The following VPS39 variants were observed in gnomAD, a reference collection of about 807,000 sequenced individuals.
VPS39 encodes VPS39 subunit of HOPS complex, also known as vam6/Vps39-like protein.
A neutral mutation model predicts 121.0 loss-of-function variants in VPS39; 70 were observed. The observed-to-expected ratio is 0.58, with a 90% confidence interval of 0.48 to 0.71. VPS39 has a LOEUF of 0.71. Ranked by LOEUF, VPS39 falls within the 30% of genes least tolerant of loss-of-function variation. The probability of loss-of-function intolerance (pLI) is 0.00; values close to 1 mark genes in which losing one functional copy is unlikely to be tolerated. For synonymous variants in VPS39, 378 were observed against 398.1 expected (o/e 0.95, Z 0.60); for missense variants, 818 against 1,051.5 (o/e 0.78, Z 3.07).
intron 2 of VPS39, among the ~76,000 whole-genome samples, chr15:42,194,341 G>C (rs1172022075): frequency 6.6e-6 from 1 of 152,072 alleles, no homozygotes; most frequent in African/African-American, 2.4e-5. Context: ...AGGCATGGTG[G>C]TGGGCGCCTG....
chr15:42,176,233 T>C (rs1295880982), intron 10 of VPS39, among the ~76,000 whole-genome samples: 2 of 152,176 alleles, frequency 1.3e-5, no homozygotes, highest in Non-Finnish European at 2.9e-5. Flanking sequence ...CTGAGACCTT[T>C]CTGCTAAGAA....
At chr15:42,196,291 C>A (rs1281285961) in intron 2 of VPS39, among the ~76,000 whole-genome samples, 1 of 152,018 alleles carries the variant, frequency 6.6e-6, no homozygotes, top group Non-Finnish European at 1.5e-5. Flanking sequence ...ACACCAAAAG[C>A]AATGGCAACA....
At chr15:42,181,711 C>CTT (rs765125799) in intron 8 of VPS39, among the ~76,000 whole-genome samples, 3 of 145,672 alleles carry the variant, frequency 2.1e-5, no homozygotes, top group Non-Finnish European at 4.6e-5. Context: ...TCTAATTATC[C>CTT]TTTTTTTTTT....
intron 2 of VPS39, chr15:42,191,950 A>C: frequency 1.6e-6 from 2 of 1,248,308 alleles, no homozygotes; most frequent in Non-Finnish European, 2.2e-6. Context: ...AAGCATCCTT[A>C]GATCTAGACC....
intron 2 of VPS39, 59 bp from the exon 3 acceptor site, chr15:42,191,619 T>C (rs2049829256): frequency 6.8e-7 from 1 of 1,475,536 alleles, no homozygotes; most frequent in Non-Finnish European, 9.4e-7. Flanking sequence ...GAAAAACCAC[T>C]ACTAGAAAAA....
Position 42,160,680 on chromosome 15 carries a change from C to A in VPS39, c.*74G>T. On this transcript the variant is annotated 3_prime_UTR_variant, in exon 25 of 25. Transcript: ENST00000318006. The stretch of plus-strand genomic sequence containing the variant: ...CCTTGTGGTGGTGGCAGCCAGGATT[C>A]CTAAGGCCAGGTGCTCCTTCACCTC... 7.1e-7 allele frequency: 1 copy of A among 1,398,906 alleles called. No homozygotes were observed. Among genetic ancestry groups the A allele is most frequent in the South Asian group, 1.2e-5 (1 of 86,488 alleles). The allele number at this position is 1,398,906 out of a possible 1,614,324, so 86.7% of individuals were successfully genotyped here. A position where few individuals can be genotyped will look rare whatever the true frequency, so the allele number is the denominator to read the frequency against.
At chr15:42,180,539 C>G (rs767151995) in intron 8 of VPS39, among the ~76,000 whole-genome samples, 13 of 152,266 alleles carry the variant, frequency 8.5e-5, no homozygotes, top group Non-Finnish European at 1.6e-4. Context: ...AAAATCATTG[C>G]AAATCAAGTC....
chr15:42,189,925 T>C (rs1262425437), intron 4 of VPS39, among the ~76,000 whole-genome samples: 1 of 146,914 alleles, frequency 6.8e-6, no homozygotes, highest in Non-Finnish European at 1.5e-5. Context: ...GTGATCCTCC[T>C]ACCTCAGCCT....
chr15:42,161,908 C>CCT, intron 23 of VPS39, 124 bp downstream of exon 23: 1 of 1,588,812 alleles, frequency 6.3e-7, no homozygotes, highest in South Asian at 1.2e-5. Context: ...CAATGTCAAG[C>CCT]TGGCTACTGG....
intron 8 of VPS39, among the ~76,000 whole-genome samples, chr15:42,180,244 C>T (rs961019538): frequency 3.9e-5 from 6 of 152,032 alleles, no homozygotes; most frequent in East Asian, 3.9e-4. Context: ...TACTTGCTGT[C>T]GAGTCTTAAA....
chr15:42,200,306 G>A (rs900432797), intron 1 of VPS39, among the ~76,000 whole-genome samples: 19 of 151,596 alleles, frequency 1.3e-4, no homozygotes, highest in African/African-American at 3.6e-4. Flanking sequence ...TTTATTTTTT[G>A]TTATATATAC....
chr15:42,162,743 T>C (rs1463784110), intron 21 of VPS39: 2 of 352,342 alleles, frequency 5.7e-6, no homozygotes, highest in East Asian at 9.4e-5. Context: ...ATGCTACCAC[T>C]GTAAAACAAT....
Position 42,167,491 on chromosome 15 carries a change from G to A in VPS39, c.1280C>T (p.Ser427Leu). 2 of 1,614,138 alleles carry A rather than the reference G, an allele frequency of 1.2e-6. No homozygotes were observed. Among genetic ancestry groups the A allele is most frequent in the Non-Finnish European group, 1.7e-6 (2 of 1,180,028 alleles). Residue 427 changes from serine to leucine, a missense_variant, in exon 13 of 25, where the codon TCA becomes TTA. Physicochemically the swap from Ser to Leu is moderately radical, Grantham distance 145. Coordinates refer to ENST00000318006, the MANE Select transcript of VPS39 (RefSeq NM_015289.5). ...VKKLNDSDHQ[S>L]STSPLMEGTP... is the part of the protein sequence containing the mutation. ...GCCTTCCATGAGCGGTGAGGTGCTT[G>A]ACTGGTGATCAGAGTCATTCAGCTT... is the stretch of plus-strand genomic sequence containing the variant.
intron 2 of VPS39, among the ~76,000 whole-genome samples, chr15:42,199,149 G>A (rs1566910843): frequency 1.3e-5 from 2 of 152,128 alleles, no homozygotes; most frequent in East Asian, 3.8e-4. Context: ...AGTGGCTCCA[G>A]GGCATAATAC....
In VPS39 at chr15:42,185,558, A is replaced by G. The variant is rs368584039; in HGVS notation, c.535-858T>C. ...ATAGACTACTATTCAGCCATGAGAA[A>G]GAATAAACTATTAACACACACAACA... On this transcript the variant is annotated intron_variant, in intron 7 of 24. Coordinates refer to ENST00000318006, the MANE Select transcript of VPS39 (RefSeq NM_015289.5). Among the ~76,000 whole-genome samples the G allele has an allele frequency of 7.2e-5, 11 of 152,230 alleles. 1 individual carries two copies. The East Asian group carries it at 1.9e-3, about 27-fold the overall frequency.
At chr15:42,201,580 G>C (rs931430548) in intron 1 of VPS39, among the ~76,000 whole-genome samples, 5 of 152,198 alleles carry the variant, frequency 3.3e-5, no homozygotes, top group African/African-American at 1.2e-4. Flanking sequence ...CTCTACCCCG[G>C]AGCATCTGAT....
chr15:42,187,439 C>A (rs1013392412), intron 6 of VPS39, 76 bp from the exon 7 acceptor site: 1 of 1,359,058 alleles, frequency 7.4e-7, no homozygotes. Flanking sequence ...TATTCTGCAA[C>A]CTCCATTCTG....
chr15:42,174,721 C>T (rs1199367172), intron 10 of VPS39, among the ~76,000 whole-genome samples: 3 of 152,264 alleles, frequency 2.0e-5, no homozygotes, highest in South Asian at 4.2e-4. Flanking sequence ...TGCCTGTAAT[C>T]CCAGCACCTT....
chr15:42,199,084 C>T (rs1458545116), intron 2 of VPS39, among the ~76,000 whole-genome samples: 1 of 151,974 alleles, frequency 6.6e-6, no homozygotes, highest in East Asian at 1.9e-4. Context: ...AAGCTATTTA[C>T]CAGAGAAATA....
Sources: gnomAD v4.1 joint callset for allele counts (sites outside exome capture counted in the v4.1 genomes callset) on GRCh38, gnomAD v4.1.1 for gene constraint, MANE v1.5 for transcripts, NCBI Gene and HGNC (gene_info 2026-07-23, HGNC 2026-07-21) for gene names.